Variants in PTPRN2 observed in about 807,000 individuals in gnomAD.
The protein encoded by PTPRN2 is receptor-type tyrosine-protein phosphatase N2.
PTPRN2 carries 74 observed loss-of-function variants against 118.8 expected under a neutral mutation model. That is an observed-to-expected ratio of 0.62 (90% CI 0.52 to 0.76). The LOEUF is 0.76. Ranked by LOEUF, PTPRN2 falls within the 30% of genes least tolerant of loss-of-function variation. The probability of loss-of-function intolerance (pLI) is 0.00; values close to 1 mark genes in which losing one functional copy is unlikely to be tolerated. For synonymous variants in PTPRN2, 641 were observed against 608.0 expected, an observed-to-expected ratio of 1.05 and a Z score of -0.80; for missense variants, 1,481 against 1,394.4, an observed-to-expected ratio of 1.06 and a Z score of -0.99.
chr7:157,973,663 C>A (rs1018794316), intron 11 of PTPRN2, among the ~76,000 whole-genome samples: 4 of 152,136 alleles, frequency 2.6e-5, no homozygotes, highest in Non-Finnish European at 5.9e-5. Context: ...TGAATCAAAG[C>A]CCTAATTTTC....
intron 10 of PTPRN2, among the ~76,000 whole-genome samples, chr7:158,083,851 C>T (rs1030313782): frequency 2.0e-5 from 3 of 150,992 alleles, no homozygotes; most frequent in African/African-American, 7.3e-5. Context: ...TGTGGGAGGA[C>T]GGGGCATGAG....
chr7:157,669,118 C>T (rs984718046), intron 13 of PTPRN2, among the ~76,000 whole-genome samples: 8 of 152,174 alleles, frequency 5.3e-5, no homozygotes, highest in Admixed American at 2.6e-4. Flanking sequence ...CAAGGTGCTC[C>T]GGGGTCTGGG....
At chr7:157,846,576 C>T (rs1056578912) in intron 12 of PTPRN2, among the ~76,000 whole-genome samples, 1 of 152,224 alleles carries the variant, frequency 6.6e-6, no homozygotes, top group African/African-American at 2.4e-5. Context: ...CAACACCCTG[C>T]CTGCTGCTGT....
chr7:158,319,610 T>C (rs1394810749), intron 2 of PTPRN2, among the ~76,000 whole-genome samples: 9 of 4,080 alleles, frequency 2.2e-3, no homozygotes, highest in East Asian at 0.014. Flanking sequence ...CAGCCTCCCT[T>C]GTACACACAC....
At chr7:158,043,361 G>A (rs1031445303) in intron 11 of PTPRN2, among the ~76,000 whole-genome samples, 5 of 73,000 alleles carry the variant, frequency 6.8e-5, no homozygotes, top group African/African-American at 2.3e-4. Flanking sequence ...TGTCCTGGGT[G>A]TAGACATGAC....
At chr7:157,902,662 G>A (rs139847149) in intron 11 of PTPRN2, among the ~76,000 whole-genome samples, 43 of 152,334 alleles carry the variant, frequency 2.8e-4, no homozygotes, top group Non-Finnish European at 5.6e-4. Flanking sequence ...CGAGTGTGAC[G>A]CGCGTCAGGA....
intron 12 of PTPRN2, among the ~76,000 whole-genome samples, chr7:157,851,918 C>T (rs1809305638): frequency 6.6e-6 from 1 of 152,258 alleles, no homozygotes; most frequent in South Asian, 2.1e-4. Context: ...CTCACTTGTG[C>T]CTCCGCCCAC....
chr7:158,327,356 TAC>T lies in PTPRN2; in HGVS notation c.164-10426_164-10425del, dbSNP rs575980458. Among the ~76,000 whole-genome samples the T allele has an allele frequency of 5.7e-4, 77 of 135,326 alleles. 1 individual carries two copies. The East Asian group carries it at 0.014, about 24-fold the overall frequency. The allele number at this position is 135,326 out of a possible 152,430, so 88.8% of individuals were successfully genotyped here. On this transcript the variant is annotated intron_variant, in intron 2 of 22. Transcript: ENST00000389418. ...ACGTGCTCACACATGCTCACACATG[TAC>T]ACATTGTCACACACACATTATCACA...
intron 12 of PTPRN2, among the ~76,000 whole-genome samples, chr7:157,687,059 T>A (rs759065270): frequency 6.6e-6 from 1 of 152,174 alleles, no homozygotes; most frequent in Non-Finnish European, 1.5e-5. Flanking sequence ...AATAAGTGTA[T>A]GACCACAGAG....
intron 12 of PTPRN2, among the ~76,000 whole-genome samples, chr7:157,877,680 T>C (rs902166790): frequency 9.9e-5 from 15 of 152,080 alleles, no homozygotes; most frequent in African/African-American, 3.6e-4. Context: ...GCAGAAGGTG[T>C]TCCTAACAGT....
At chr7:158,178,423 TCC>T in intron 5 of PTPRN2, among the ~76,000 whole-genome samples, 1 of 152,142 alleles carries the variant, frequency 6.6e-6, no homozygotes, top group South Asian at 2.1e-4. Context: ...ATAGCTTGGC[TCC>T]CACTTATAAG....
rs1207748330 is a variant in PTPRN2, at chr7:158,529,692, TGGGCTGTGTCCACCAGCCCCAG to T, written c.113-39929_113-39908del. Among the ~76,000 whole-genome samples, 2 of 152,202 alleles carry T rather than the reference TGGGCTGTGTCCACCAGCCCCAG, an allele frequency of 1.3e-5. No individual in the cohort carries two copies. The highest frequency in any genetic ancestry group is 3.9e-4 in the East Asian group (2 of 5,168). ...GGACACAGCACACACTCACCACACC[TGGGCTGTGTCCACCAGCCCCAG>T]GGGCTGTGGGGAGGGGCGGTCACCA... On this transcript the variant is annotated intron_variant, in intron 1 of 22. Coordinates refer to ENST00000389418, the MANE Select transcript of PTPRN2 (RefSeq NM_002847.5). This position sits in a 1 kb window ranked among gnomAD's most constrained non-coding sequence, Gnocchi z 4.7.
At chr7:158,408,257 T>C (rs920310032) in intron 2 of PTPRN2, among the ~76,000 whole-genome samples, 1 of 152,236 alleles carries the variant, frequency 6.6e-6, no homozygotes, top group Non-Finnish European at 1.5e-5. Context: ...GCATTAAACA[T>C]TAATAAAATC....
At chr7:158,352,973 G>C (rs1236179872) in intron 2 of PTPRN2, among the ~76,000 whole-genome samples, 1 of 152,212 alleles carries the variant, frequency 6.6e-6, no homozygotes, top group Admixed American at 6.5e-5. Context: ...TGGGCCAATA[G>C]GCCAGACACT....
At chr7:158,074,357 G>C (rs925374017) in intron 11 of PTPRN2, among the ~76,000 whole-genome samples, 2 of 152,208 alleles carry the variant, frequency 1.3e-5, no homozygotes, top group African/African-American at 2.4e-5. Context: ...GCGCAGGGAG[G>C]TGGTGGTGAT....
rs184740866 is a variant in PTPRN2 at position 158,163,551 on chromosome 7, A to C, written c.910+3380T>G. On this transcript the variant is annotated intron_variant, in intron 6 of 22. Transcript: ENST00000389418. ...GTGATCAATATTCTCTGTGTATTTCATAGGTGACGCCTGTACGGGGTTCTC... is the reference window on the plus strand; with the variant it reads ...GTGATCAATATTCTCTGTGTATTTCCTAGGTGACGCCTGTACGGGGTTCTC... Among the ~76,000 whole-genome samples the C allele has an allele frequency of 5.0e-3, 724 of 143,828 alleles. 29 individuals carry two copies. The highest frequency in any genetic ancestry group is 0.048 in the Admixed American group (688 of 14,458). 94.4% of individuals were successfully genotyped at this position (143,828 alleles called of 152,430 possible). A position where few individuals can be genotyped will look rare whatever the true frequency, so the allele number is the denominator to read the frequency against.
intron 5 of PTPRN2, among the ~76,000 whole-genome samples, chr7:158,175,838 A>G (rs1327197495): frequency 6.6e-6 from 1 of 152,116 alleles, no homozygotes; most frequent in African/African-American, 2.4e-5. Context: ...ACTCCTGGAT[A>G]TCTGCTAATG....
chr7:157,745,496 G>A (rs1000151507), intron 12 of PTPRN2, among the ~76,000 whole-genome samples: 1 of 147,250 alleles, frequency 6.8e-6, no homozygotes, highest in African/African-American at 2.5e-5. Context: ...GAGGCAGGCT[G>A]GGGGAGAGGG....
chr7:158,560,725 A>G (rs1827326022), intron 1 of PTPRN2, among the ~76,000 whole-genome samples: 1 of 152,244 alleles, frequency 6.6e-6, no homozygotes, highest in South Asian at 2.1e-4. Flanking sequence ...GAGAACAGAC[A>G]TCAACCATGT....
Sources: allele counts gnomAD v4.1 joint callset (sites outside exome capture counted in the v4.1 genomes callset), GRCh38; gene constraint gnomAD v4.1.1; non-coding constraint Gnocchi (gnomAD v3.1); transcripts MANE v1.5; gene names NCBI Gene and HGNC (gene_info 2026-07-23, HGNC 2026-07-21).